The following PCDHA5 variants were observed in gnomAD, a reference collection of about 807,000 sequenced individuals.
The protein encoded by PCDHA5 is protocadherin alpha 5, also known as protocadherin alpha-5.
A neutral mutation model predicts 61.6 loss-of-function variants in PCDHA5; 43 were observed. The observed-to-expected ratio is 0.70, with a 90% confidence interval of 0.55 to 0.90. The LOEUF is 0.90. Among genes scored for constraint, PCDHA5 ranks in the 40% least tolerant of loss-of-function variants. The pLI is 0.00. For missense variants in PCDHA5, 1,298 were observed against 1,222.7 expected, an observed-to-expected ratio of 1.06 and a Z score of -0.92; for synonymous variants, 627 against 543.9, an observed-to-expected ratio of 1.15 and a Z score of -2.13.
intron 1 of PCDHA5, chr5:140,869,913 C>G: frequency 6.2e-7 from 1 of 1,610,754 alleles, no homozygotes; most frequent in Non-Finnish European, 8.5e-7. Flanking sequence ...CAGACCGAGA[C>G]GAAGGAGTCA....
At chr5:140,990,662 T>C (rs1554251660) in intron 3 of PCDHA5, among the ~76,000 whole-genome samples, 1 of 152,182 alleles carries the variant, frequency 6.6e-6, no homozygotes, top group African/African-American at 2.4e-5. Context: ...ATGATTTACA[T>C]TAGATGCACA....
chr5:140,970,400 C>T (rs1586425210), intron 1 of PCDHA5, among the ~76,000 whole-genome samples: 1 of 152,162 alleles, frequency 6.6e-6, no homozygotes, highest in Non-Finnish European at 1.5e-5. Context: ...AAGTGGATGG[C>T]TTACCCTACA....
intron 1 of PCDHA5, among the ~76,000 whole-genome samples, chr5:140,977,323 G>A (rs542392962): frequency 1.3e-5 from 2 of 152,324 alleles, no homozygotes; most frequent in Non-Finnish European, 1.5e-5. Context: ...GCTCCTGATG[G>A]CGAGGGGAGA....
chr5:140,852,884 T>TA lies in PCDHA5; in HGVS notation c.2352+28758dup, dbSNP rs1237249071. On this transcript the variant is annotated intron_variant, in intron 1 of 3. Transcript: ENST00000529859. ...CTATGTCATCAATAATCATAAAACG[T>TA]ATTTTTTTTTTTGAGTCAGAGTCTC... The TA allele has an allele frequency of 2.1e-6, 2 of 931,694 alleles. 1 individual carries two copies. The highest frequency in any genetic ancestry group is 3.6e-5 in the African/African-American group (2 of 55,516). The allele number at this position is 931,694 out of a possible 1,614,324, so 57.7% of individuals were successfully genotyped here.
rs782603246 is a variant in PCDHA5, at chr5:140,883,847, G to T, written c.2352+59720G>T. On this transcript the variant is annotated intron_variant, in intron 1 of 3. Transcript: ENST00000529859. ...CGCGCTGCAGCCGTTGGACCACGAGGAGCTGGAGCTGTTGCAGTTCCAGGT... is the reference window on the plus strand; with the variant it reads ...CGCGCTGCAGCCGTTGGACCACGAGTAGCTGGAGCTGTTGCAGTTCCAGGT... 4.3e-6 allele frequency: 7 copies of T among 1,612,760 alleles called. No individual in the cohort carries two copies. The East Asian group carries it at 1.3e-4, about 31-fold the overall frequency.
At chr5:140,941,204 T>TTTCC (rs1348435161) in intron 1 of PCDHA5, among the ~76,000 whole-genome samples, 2 of 88,662 alleles carry the variant, frequency 2.3e-5, no homozygotes, top group Non-Finnish European at 4.4e-5. Flanking sequence ...TCTTTCTTCC[T>TTTCC]TTCTTTCTTC....
chr5:140,966,925 A>C (rs782069766), intron 1 of PCDHA5: 1 of 1,603,462 alleles, frequency 6.2e-7, no homozygotes, highest in Non-Finnish European at 8.5e-7. Context: ...AGGAGCAGGC[A>C]CCCGGCGCGC....
intron 1 of PCDHA5, chr5:140,883,440 C>T (rs781949896): frequency 1.9e-6 from 3 of 1,614,152 alleles, no homozygotes; most frequent in Non-Finnish European, 2.5e-6. Flanking sequence ...ACCTTGACGC[C>T]GCATGTCCCC....
chr5:140,931,088 A>G (rs1178910459), intron 1 of PCDHA5, among the ~76,000 whole-genome samples: 1 of 152,196 alleles, frequency 6.6e-6, no homozygotes, highest in African/African-American at 2.4e-5. Context: ...AGTTCTACAG[A>G]TGACAAAGGA....
chr5:140,938,679 T>C (rs574212689), intron 1 of PCDHA5, among the ~76,000 whole-genome samples: 1 of 152,302 alleles, frequency 6.6e-6, no homozygotes, highest in South Asian at 2.1e-4. Flanking sequence ...CCTAACATTT[T>C]CTTTACAGTT....
chr5:140,843,470 C>T (rs2150360769), intron 1 of PCDHA5: 2 of 1,596,070 alleles, frequency 1.3e-6, no homozygotes, highest in South Asian at 2.2e-5. Flanking sequence ...CACGCTGCTG[C>T]TGTACACTGC....
rs568789486 is a variant in PCDHA5 at position 140,896,494 on chromosome 5, C to G, written c.2352+72367C>G. 6.6e-5 allele frequency among the ~76,000 whole-genome samples: 10 copies of G among 151,966 alleles called. No individual in the cohort carries two copies. In the East Asian group the frequency reaches 1.9e-3, roughly 29 times the overall value. On this transcript the variant is annotated intron_variant, in intron 1 of 3. Coordinates refer to ENST00000529859, the MANE Select transcript of PCDHA5 (RefSeq NM_018908.3). The stretch of plus-strand genomic sequence containing the variant: ...TCTCCTGCCTCAGCCTCCTGAGTAG[C>G]TGGGACTGTGCAGGCACACACCACA...
intron 1 of PCDHA5, among the ~76,000 whole-genome samples, chr5:140,977,021 A>G (rs1249097233): frequency 1.3e-5 from 2 of 152,190 alleles, no homozygotes; most frequent in East Asian, 3.8e-4. Context: ...ATTCTGTCAA[A>G]TGAATCTAAG....
rs2150228376 is a variant in PCDHA5, at chr5:140,834,869, C to A, written c.2352+10742C>A. On this transcript the variant is annotated intron_variant, in intron 1 of 3. Transcript: ENST00000529859. ...TAGAGGGCGCGTCCGATGCAGATAT[C>A]GGGGAGAACGCCCTGCTCACTTACA... 5.6e-6 allele frequency: 9 copies of A among 1,609,116 alleles called. No homozygotes were observed. The African/African-American group carries it at 9.5e-5, about 17-fold the overall frequency.
intron 1 of PCDHA5, among the ~76,000 whole-genome samples, chr5:140,880,402 G>A (rs1014801012): frequency 3.9e-5 from 6 of 152,182 alleles, no homozygotes; most frequent in Non-Finnish European, 8.8e-5. Context: ...AGAGCATATG[G>A]TTGACCTTAA....
At position 140,862,652 on chromosome 5, in the gene PCDHA5, G is replaced by A. The variant is rs904797822; in HGVS notation, c.2352+38525G>A. ...TGCCACGACTTCACAGTGTCCGCGC[G>A]GGACCGGGACGCGCAGGAGAACGTG... is the stretch of plus-strand genomic sequence containing the variant. On this transcript the variant is annotated intron_variant, in intron 1 of 3. Coordinates refer to ENST00000529859, the MANE Select transcript of PCDHA5 (RefSeq NM_018908.3). The A allele has an allele frequency of 1.4e-4, 76 of 544,114 alleles. 1 individual carries two copies. The highest frequency in any genetic ancestry group is 3.8e-5 in the African/African-American group (2 of 52,208). 33.7% of individuals were successfully genotyped at this position (544,114 alleles called of 1,614,324 possible). A position where few individuals can be genotyped will look rare whatever the true frequency, so the allele number is the denominator to read the frequency against.
At chr5:140,975,520 T>G (rs2153807475) in intron 1 of PCDHA5, among the ~76,000 whole-genome samples, 1 of 152,342 alleles carries the variant, frequency 6.6e-6, no homozygotes, top group East Asian at 1.9e-4. Flanking sequence ...AAATCTGCAG[T>G]GGATATATTC....
At chr5:140,850,634 C>T (rs2150491694) in intron 1 of PCDHA5, 2 of 1,598,662 alleles carry the variant, frequency 1.3e-6, no homozygotes, top group South Asian at 1.1e-5. Flanking sequence ...TGTTGGTTCT[C>T]ACGCTGCTGC....
chr5:141,011,122 A>G lies in PCDHA5; in HGVS notation c.*1185A>G, dbSNP rs1554263297. On this transcript the variant is annotated 3_prime_UTR_variant, in exon 4 of 4. Transcript: ENST00000529859. ...TCTCTCTCTTTTCTAAGAAACAATT[A>G]TGTGCACTTTGATACACAACCTTCT... 1 of 153,686 alleles carries G rather than the reference A, an allele frequency of 6.5e-6. No homozygotes were observed. Among genetic ancestry groups the G allele is most frequent in the Non-Finnish European group, 1.5e-5 (1 of 68,034 alleles). 9.5% of individuals were successfully genotyped at this position (153,686 alleles called of 1,614,324 possible).
Sources: allele counts gnomAD v4.1 joint callset (sites outside exome capture counted in the v4.1 genomes callset), GRCh38; gene constraint gnomAD v4.1.1; transcripts MANE v1.5; gene names NCBI Gene and HGNC (gene_info 2026-07-23, HGNC 2026-07-21).